DACH1: variants seen among roughly 807,000 people sequenced by gnomAD.
DACH1 encodes dachshund family transcription factor 1, also known as dachshund homolog 1.
Under a neutral mutation model 54.2 loss-of-function variants are expected in DACH1, and 12 were observed. The observed-to-expected ratio is 0.22, with a 90% CI of 0.14 to 0.36. The LOEUF (loss-of-function observed/expected upper bound fraction) is 0.36, where lower values mean the gene tolerates loss of function less well. DACH1 is among the 10% of genes least tolerant of loss of function. DACH1 has a pLI of 1.00. For missense variants in DACH1, 805 were observed against 929.8 expected (o/e 0.87, Z 1.75); for synonymous variants, 386 against 366.2 (o/e 1.05, Z -0.62).
At chr13:71,471,378 T>C (rs1485754699) in intron 10 of DACH1, among the ~76,000 whole-genome samples, 1 of 151,820 alleles carries the variant, frequency 6.6e-6, no homozygotes, top group African/African-American at 2.4e-5. Context: ...GTCGACCAAA[T>C]AAAAAGTTGG....
chr13:71,764,127 A>C (rs1885520176), intron 1 of DACH1, among the ~76,000 whole-genome samples: 2 of 152,178 alleles, frequency 1.3e-5, no homozygotes, highest in Admixed American at 1.3e-4. Flanking sequence ...CTTTATGTGC[A>C]CTTCATTTTT....
chr13:71,494,981 A>C (rs1346014235), intron 6 of DACH1, among the ~76,000 whole-genome samples: 1 of 152,024 alleles, frequency 6.6e-6, no homozygotes, highest in Non-Finnish European at 1.5e-5. Flanking sequence ...TACTTTTAAA[A>C]TGTTTTCTTT....
Position 71,851,190 on chromosome 13 carries a change from T to TC in DACH1, c.848+14731_848+14732insG, listed in dbSNP as rs574885912. On this transcript the variant is annotated intron_variant, in intron 1 of 10. Coordinates refer to ENST00000613252, the MANE Select transcript of DACH1 (RefSeq NM_080759.6). The stretch of plus-strand genomic sequence containing the variant: ...GCTGTTGACCACATAAACTTTGTCT[T>TC]TAACCTCCTTCTTAATAGAGATTAA... Among the ~76,000 whole-genome samples, 533 of 152,342 alleles carry TC rather than the reference T, an allele frequency of 3.5e-3. 2 individuals are homozygous for TC. The highest frequency in any genetic ancestry group is 0.012 in the African/African-American group (502 of 41,574).
intron 1 of DACH1, among the ~76,000 whole-genome samples, chr13:71,860,837 T>C (rs904168434): frequency 6.6e-6 from 1 of 152,036 alleles, no homozygotes; most frequent in Non-Finnish European, 1.5e-5. Flanking sequence ...GCACAAATTG[T>C]TCTTAAAATA....
At chr13:71,528,682 G>A (rs1882192519) in intron 6 of DACH1, among the ~76,000 whole-genome samples, 1 of 151,842 alleles carries the variant, frequency 6.6e-6, no homozygotes, top group Admixed American at 6.6e-5. Flanking sequence ...CACCGGGCCG[G>A]AAAAACAGAT....
chr13:71,744,232 T>C (rs1397569643), intron 1 of DACH1, among the ~76,000 whole-genome samples: 2 of 152,204 alleles, frequency 1.3e-5, no homozygotes, highest in Non-Finnish European at 2.9e-5. Flanking sequence ...CATATTGTAA[T>C]TCAGCAATGA....
At chr13:71,771,137 T>G (rs565358019) in intron 1 of DACH1, among the ~76,000 whole-genome samples, 1 of 151,402 alleles carries the variant, frequency 6.6e-6, no homozygotes, top group East Asian at 1.9e-4. Context: ...CTCCCTAGCC[T>G]AAAAAGTTAC....
chr13:71,723,510 CAAAT>C (rs1188962175), intron 1 of DACH1, among the ~76,000 whole-genome samples: 1 of 152,116 alleles, frequency 6.6e-6, no homozygotes, highest in African/African-American at 2.4e-5. Flanking sequence ...TCAGACCGCA[CAAAT>C]AAATAGGTAC....
chr13:71,455,228 C>T lies in DACH1; in HGVS notation c.2084-14536G>A, dbSNP rs1875446966. ...AAATCACAAACTATTTATTTTCACA[C>T]TTTTAAAAGATTTGTTTTGTCATAC... is the stretch of plus-strand genomic sequence containing the variant. On this transcript the variant is annotated intron_variant, in intron 10 of 10. Coordinates refer to ENST00000613252, the MANE Select transcript of DACH1 (RefSeq NM_080759.6). 2.0e-5 allele frequency among the ~76,000 whole-genome samples: 3 copies of T among 152,064 alleles called. No individual in the cohort carries two copies. The South Asian group carries it at 6.2e-4, about 31-fold the overall frequency.
intron 1 of DACH1, among the ~76,000 whole-genome samples, chr13:71,845,729 G>C (rs1370345157): frequency 6.6e-6 from 1 of 152,188 alleles, no homozygotes; most frequent in East Asian, 1.9e-4. Flanking sequence ...AATTATAATA[G>C]ACCATAATCC....
intron 1 of DACH1, among the ~76,000 whole-genome samples, chr13:71,798,965 CT>C (rs1410783475): frequency 6.6e-6 from 1 of 152,078 alleles, no homozygotes; most frequent in Non-Finnish European, 1.5e-5. Context: ...GTTTTAGTAG[CT>C]TTTTTCCAAC....
At chr13:71,744,042 G>C (rs1218044516) in intron 1 of DACH1, among the ~76,000 whole-genome samples, 1 of 152,076 alleles carries the variant, frequency 6.6e-6, no homozygotes, top group Non-Finnish European at 1.5e-5. Flanking sequence ...GTGTAAATAA[G>C]GAAATTTTAC....
At chr13:71,822,630 G>A (rs1888235331) in intron 1 of DACH1, among the ~76,000 whole-genome samples, 1 of 152,130 alleles carries the variant, frequency 6.6e-6, no homozygotes, top group East Asian at 1.9e-4. Context: ...GTTTTGGAAA[G>A]CATGTAAAAA....
At chr13:71,563,573 TTGTC>T (rs1884725216) in intron 4 of DACH1, among the ~76,000 whole-genome samples, 1 of 151,926 alleles carries the variant, frequency 6.6e-6, no homozygotes, top group Non-Finnish European at 1.5e-5. Flanking sequence ...AATGTCAAAG[TTGTC>T]TGTGATCATC....
At chr13:71,847,793 C>A (rs374268472) in intron 1 of DACH1, among the ~76,000 whole-genome samples, 35 of 152,236 alleles carry the variant, frequency 2.3e-4, no homozygotes, top group African/African-American at 8.2e-4. Context: ...GGTGTATTAA[C>A]ATAAGGCACT....
intron 10 of DACH1, chr13:71,464,573 T>G (rs756969400): frequency 6.4e-5 from 28 of 435,794 alleles, no homozygotes; most frequent in Middle Eastern, 6.7e-4. Flanking sequence ...AAAATTCCTT[T>G]GAAAGATTAA....
intron 2 of DACH1, among the ~76,000 whole-genome samples, chr13:71,657,452 G>T (rs1401668233): frequency 6.6e-6 from 1 of 151,648 alleles, no homozygotes; most frequent in Non-Finnish European, 1.5e-5. Flanking sequence ...CTGAGCCAGT[G>T]ATCACACCAC....
chr13:71,462,627 A>G (rs1876179054), intron 10 of DACH1, among the ~76,000 whole-genome samples: 1 of 151,956 alleles, frequency 6.6e-6, no homozygotes, highest in African/African-American at 2.4e-5. Context: ...TTGTAAAAAT[A>G]GCAAAATCTT....
At chr13:71,856,457 G>A (rs1398543199) in intron 1 of DACH1, among the ~76,000 whole-genome samples, 1 of 151,956 alleles carries the variant, frequency 6.6e-6, no homozygotes, top group East Asian at 1.9e-4. Context: ...AAAGGTGTCA[G>A]AGATGACAAT....
Sources: gnomAD v4.1 joint callset for allele counts (sites outside exome capture counted in the v4.1 genomes callset) on GRCh38, gnomAD v4.1.1 for gene constraint, MANE v1.5 for transcripts, NCBI Gene and HGNC (gene_info 2026-07-23, HGNC 2026-07-21) for gene names.